TMEM156: variants seen among roughly 807,000 people sequenced by gnomAD.
TMEM156 encodes the protein transmembrane protein 156.
In TMEM156, 28 loss-of-function variants were observed where a neutral mutation model predicts 30.5. The ratio of observed to expected loss-of-function variants is 0.92; its 90% CI spans 0.68 to 1.26. The LOEUF (loss-of-function observed/expected upper bound fraction) is 1.26, where lower values mean the gene tolerates loss of function less well. TMEM156 is among the 50% of genes most tolerant of loss of function. The pLI is 0.00. For missense variants in TMEM156, 351 were observed against 340.6 expected, an observed-to-expected ratio of 1.03 and a Z score of -0.24; for synonymous variants, 137 against 119.9, an observed-to-expected ratio of 1.14 and a Z score of -0.93.
chr4:39,014,968 G>A (rs1476279850), intron 1 of TMEM156, among the ~76,000 whole-genome samples: 1 of 152,122 alleles, frequency 6.6e-6, no homozygotes, highest in African/African-American at 2.4e-5. Context: ...CTGAAACAGA[G>A]AAGATTAAAA....
chr4:38,979,151 G>A (rs1723053290), intron 5 of TMEM156, among the ~76,000 whole-genome samples: 1 of 152,222 alleles, frequency 6.6e-6, no homozygotes, highest in Admixed American at 6.5e-5. Flanking sequence ...ATTATACAAT[G>A]GATCCTTCTT....
intron 1 of TMEM156, among the ~76,000 whole-genome samples, chr4:39,012,132 T>C (rs557942597): frequency 1.3e-5 from 2 of 152,290 alleles, no homozygotes; most frequent in African/African-American, 4.8e-5. Flanking sequence ...AATATATCCA[T>C]GTAACAAACC....
At chr4:39,031,513 T>C (rs775668881) in intron 1 of TMEM156, among the ~76,000 whole-genome samples, 13 of 152,196 alleles carry the variant, frequency 8.5e-5, no homozygotes, top group Non-Finnish European at 1.9e-4. Flanking sequence ...ATAGTTGTAG[T>C]AAAGGGAATT....
At chr4:38,998,272 C>T (rs1053136971) in intron 2 of TMEM156, among the ~76,000 whole-genome samples, 1 of 152,140 alleles carries the variant, frequency 6.6e-6, no homozygotes, top group Non-Finnish European at 1.5e-5. Context: ...TGGCCAGGCG[C>T]TGTGGCTAAT....
intron 1 of TMEM156, among the ~76,000 whole-genome samples, chr4:39,017,206 G>GA (rs528658843): frequency 6.0e-4 from 70 of 116,854 alleles, no homozygotes; most frequent in African/African-American, 2.3e-3. Context: ...ACAGAGTCTC[G>GA]CTCTGTCTCC....
intron 5 of TMEM156, among the ~76,000 whole-genome samples, chr4:38,983,000 G>A (rs1203780335): frequency 6.6e-6 from 1 of 152,126 alleles, no homozygotes; most frequent in Non-Finnish European, 1.5e-5. Flanking sequence ...ACCACTGTAT[G>A]GCCTCCCCTC....
At chr4:38,978,484 T>C (rs1200009837) in intron 5 of TMEM156, among the ~76,000 whole-genome samples, 2 of 152,082 alleles carry the variant, frequency 1.3e-5, no homozygotes, top group Non-Finnish European at 2.9e-5. Context: ...GGCTGAATGA[T>C]CAAAAGAATA....
At chr4:39,006,846 A>G (rs1334743492) in intron 1 of TMEM156, among the ~76,000 whole-genome samples, 1 of 152,086 alleles carries the variant, frequency 6.6e-6, no homozygotes, top group Admixed American at 6.6e-5. Context: ...CAGAGGGTGA[A>G]GTAGGAGGGT....
intron 1 of TMEM156, among the ~76,000 whole-genome samples, chr4:39,017,935 T>G (rs1231813797): frequency 6.6e-6 from 1 of 152,208 alleles, no homozygotes; most frequent in Admixed American, 6.5e-5. Context: ...TTTAATCTAG[T>G]CTGATAATTT....
rs548881822 is a variant in TMEM156 at position 38,983,094 on chromosome 4, G to C, written c.823+3242C>G. 1.3e-4 allele frequency among the ~76,000 whole-genome samples: 20 copies of C among 152,238 alleles called. No individual in the cohort carries two copies. The South Asian group carries it at 4.2e-3, about 32-fold the overall frequency. ...AGGAGTGGCCCCAGCAGTTCAGAGG[G>C]GGGTGACACCAGCGGGAGCATTCTC... On this transcript the variant is annotated intron_variant, in intron 5 of 6. Coordinates refer to ENST00000381938, the MANE Select transcript of TMEM156 (RefSeq NM_024943.3).
intron 1 of TMEM156, among the ~76,000 whole-genome samples, chr4:39,025,005 C>T (rs1715107090): frequency 6.6e-6 from 1 of 152,124 alleles, no homozygotes; most frequent in Non-Finnish European, 1.5e-5. Flanking sequence ...TTTACAGAGA[C>T]ATTCATTAAC....
At chr4:38,975,439 G>A (rs1355360849) in intron 5 of TMEM156, among the ~76,000 whole-genome samples, 1 of 145,036 alleles carries the variant, frequency 6.9e-6, no homozygotes, top group Non-Finnish European at 1.5e-5. Flanking sequence ...CTGGAGTGCA[G>A]TGGTGCAATC....
chr4:38,980,918 C>T (rs142666148), intron 5 of TMEM156: 7 of 984,510 alleles, frequency 7.1e-6, no homozygotes, highest in Middle Eastern at 5.2e-4. Flanking sequence ...ATGCCTGTCA[C>T]GTAAAGGCAT....
intron 6 of TMEM156, among the ~76,000 whole-genome samples, chr4:38,970,336 T>G (rs927953473): frequency 6.6e-6 from 1 of 152,124 alleles, no homozygotes; most frequent in African/African-American, 2.4e-5. Context: ...TAATCTCAAA[T>G]TATTCAATTT....
chr4:38,980,811 A>C (rs1216925746), intron 5 of TMEM156: 3 of 474,278 alleles, frequency 6.3e-6, no homozygotes, highest in Non-Finnish European at 8.3e-6. Context: ...GGGTGGCAGG[A>C]GAGGCGGGAT....
chr4:39,002,964 C>T (rs1713479087), intron 1 of TMEM156, among the ~76,000 whole-genome samples: 1 of 151,858 alleles, frequency 6.6e-6, no homozygotes, highest in Non-Finnish European at 1.5e-5. Flanking sequence ...AGCGCACCAG[C>T]ATGGCACATG....
At chr4:38,978,422 T>C (rs1251444259) in intron 5 of TMEM156, among the ~76,000 whole-genome samples, 1 of 152,162 alleles carries the variant, frequency 6.6e-6, no homozygotes, top group African/African-American at 2.4e-5. Flanking sequence ...CTGGGCACTG[T>C]TTTATTCCCC....
intron 5 of TMEM156, among the ~76,000 whole-genome samples, chr4:38,983,897 C>T (rs1436510337): frequency 2.0e-5 from 3 of 152,184 alleles, no homozygotes; most frequent in Non-Finnish European, 2.9e-5. Context: ...CTTGCTCATC[C>T]GCTCTTTTTA....
intron 1 of TMEM156, among the ~76,000 whole-genome samples, chr4:39,009,581 G>A (rs1713975336): frequency 6.6e-6 from 1 of 152,084 alleles, no homozygotes; most frequent in African/African-American, 2.4e-5. Context: ...TGGGATGCAA[G>A]GATATTTCAA....
Sources: gnomAD v4.1 joint callset for allele counts (sites outside exome capture counted in the v4.1 genomes callset) on GRCh38, gnomAD v4.1.1 for gene constraint, MANE v1.5 for transcripts, NCBI Gene and HGNC (gene_info 2026-07-23, HGNC 2026-07-21) for gene names.